The following FBLN7 variants were observed in gnomAD, a reference collection of about 807,000 sequenced individuals.
The protein encoded by FBLN7 is fibulin 7.
A neutral mutation model predicts 44.0 loss-of-function variants in FBLN7; 31 were observed. The ratio of observed to expected loss-of-function variants is 0.70; its 90% CI spans 0.53 to 0.95. The LOEUF (loss-of-function observed/expected upper bound fraction) is 0.95, where lower values mean the gene tolerates loss of function less well. Among genes scored for constraint, FBLN7 ranks in the 40% least tolerant of loss-of-function variants. FBLN7 has a pLI of 0.00. For synonymous variants in FBLN7, 262 were observed against 253.4 expected, an observed-to-expected ratio of 1.03 and a Z score of -0.32; for missense variants, 573 against 618.5, an observed-to-expected ratio of 0.93 and a Z score of 0.78.
At chr2:112,189,123 A>G (rs545971636), downstream of FBLN7, 7 of 152,310 alleles carry the variant, frequency 4.6e-5, no homozygotes, top group South Asian at 1.2e-3. Flanking sequence ...TGTGGGATAT[A>G]TTGAGATATG....
chr2:112,182,205 G>A (rs1288985786), intron 5 of FBLN7, among the ~76,000 whole-genome samples: 2 of 152,126 alleles, frequency 1.3e-5, no homozygotes, highest in Admixed American at 1.3e-4. Flanking sequence ...AGCTTAAATC[G>A]CCGTGTTGGT....
At chr2:112,178,897 C>T (rs922834256) in intron 4 of FBLN7, among the ~76,000 whole-genome samples, 3 of 72,998 alleles carry the variant, frequency 4.1e-5, no homozygotes, top group African/African-American at 1.9e-4. Context: ...CAACATTGTA[C>T]GGAATGGGCA....
At chr2:112,224,513 T>C in the FBLN7 span, among the ~76,000 whole-genome samples, 1 of 152,226 alleles carries the variant, frequency 6.6e-6, no homozygotes, top group Non-Finnish European at 1.5e-5. Context: ...TACACTATCA[T>C]TGCTTTATTT....
At chr2:112,198,334 T>C in the FBLN7 span, among the ~76,000 whole-genome samples, 1 of 152,066 alleles carries the variant, frequency 6.6e-6, no homozygotes, top group South Asian at 2.1e-4. Flanking sequence ...GGGATTAGTG[T>C]CCTTATAAAA....
In FBLN7 at chr2:112,163,621, AC is replaced by A. The variant is rs1462246944; in HGVS notation, c.236-1378del. ...TCTTCACAGAGCAGCCAGGATTCGA[AC>A]CATGTCCCTCATGCTCAGCTACTAC... On this transcript the variant is annotated intron_variant, in intron 2 of 7. Transcript: ENST00000331203. Among the ~76,000 whole-genome samples, 5 of 152,232 alleles carry A rather than the reference AC, an allele frequency of 3.3e-5. No individual in the cohort carries two copies. The East Asian group carries it at 9.7e-4, about 30-fold the overall frequency.
chr2:112,182,168 G>A (rs1004105464), intron 5 of FBLN7: 3 of 443,348 alleles, frequency 6.8e-6, no homozygotes, highest in Non-Finnish European at 1.2e-5. Flanking sequence ...GCCCTGGCTG[G>A]AATCACGTCT....
intron 1 of FBLN7, among the ~76,000 whole-genome samples, chr2:112,141,114 C>T (rs1573753925): frequency 6.6e-6 from 1 of 152,208 alleles, no homozygotes; most frequent in African/African-American, 2.4e-5. Flanking sequence ...ATACCAACAG[C>T]GGTGGGCAGC....
intron 6 of FBLN7, among the ~76,000 whole-genome samples, chr2:112,183,416 GACA>G (rs1310585059): frequency 6.6e-6 from 1 of 152,196 alleles, no homozygotes; most frequent in African/African-American, 2.4e-5. Flanking sequence ...GGTAGCTGAG[GACA>G]ACAAGGGAGG....
chr2:112,198,244 A>G, the FBLN7 span, among the ~76,000 whole-genome samples: 10 of 152,064 alleles, frequency 6.6e-5, no homozygotes, highest in African/African-American at 9.7e-5. Flanking sequence ...ATACATTGAA[A>G]CCTCATCTCC....
At chr2:112,160,744 ACG>A (rs200542477) in intron 2 of FBLN7, among the ~76,000 whole-genome samples, 3,241 of 76,414 alleles carry the variant, frequency 0.042, 55 homozygotes, top group Middle Eastern at 0.1. Flanking sequence ...ACACGCACAC[ACG>A]CGCACGCACA....
chr2:112,223,496 T>G, the FBLN7 span, among the ~76,000 whole-genome samples: 2 of 152,184 alleles, frequency 1.3e-5, no homozygotes, highest in Non-Finnish European at 2.9e-5. Context: ...GACTGCTGTT[T>G]TTCCATGATA....
chr2:112,150,359 CAG>C lies in FBLN7; in HGVS notation c.76-9316_76-9315del, dbSNP rs1301074029. On this transcript the variant is annotated intron_variant, in intron 1 of 7. Coordinates refer to ENST00000331203, the MANE Select transcript of FBLN7 (RefSeq NM_153214.3). Reference sequence around the variant, plus strand: ...AACAGAGGACCACTGAGCTCCAAGACAGGGGTCTCTGCTGTACCAGAAGAAAA... The same window carrying C: ...AACAGAGGACCACTGAGCTCCAAGACGGGTCTCTGCTGTACCAGAAGAAAA... Among the ~76,000 whole-genome samples the C allele has an allele frequency of 3.3e-5, 5 of 151,854 alleles. No homozygotes were observed. The South Asian group carries it at 1.0e-3, about 31-fold the overall frequency.
At chr2:112,169,684 A>G (rs1250313057) in intron 3 of FBLN7, among the ~76,000 whole-genome samples, 1 of 152,204 alleles carries the variant, frequency 6.6e-6, no homozygotes, top group East Asian at 1.9e-4. Flanking sequence ...GTCGAATCCC[A>G]CAGACACGAC....
chr2:112,174,690 T>G (rs914283828), intron 3 of FBLN7, among the ~76,000 whole-genome samples: 3 of 151,788 alleles, frequency 2.0e-5, no homozygotes, highest in Non-Finnish European at 4.4e-5. Flanking sequence ...GCCTATGGGG[T>G]TTTTTTTGTT....
intron 6 of FBLN7, among the ~76,000 whole-genome samples, chr2:112,183,152 C>T (rs76320146): frequency 2.5e-3 from 377 of 152,322 alleles, no homozygotes; most frequent in African/African-American, 7.2e-3. Flanking sequence ...TAGTCTTTTC[C>T]GACTTTATTT....
chr2:112,202,169 C>A, the FBLN7 span, among the ~76,000 whole-genome samples: 121 of 152,138 alleles, frequency 8.0e-4, no homozygotes, highest in Non-Finnish European at 1.6e-3. Flanking sequence ...AGTAAAGGTC[C>A]CAAATTCTTA....
the FBLN7 span, among the ~76,000 whole-genome samples, chr2:112,199,569 C>G: frequency 6.6e-6 from 1 of 152,340 alleles, no homozygotes; most frequent in Admixed American, 6.5e-5. Context: ...TCTCACCCAT[C>G]CCTTCCAGGA....
intron 1 of FBLN7, among the ~76,000 whole-genome samples, chr2:112,140,761 G>A (rs1680602373): frequency 6.6e-6 from 1 of 152,204 alleles, no homozygotes; most frequent in Non-Finnish European, 1.5e-5. Context: ...TTTCTCAGCA[G>A]TTTGTGGCAT....
At chr2:112,157,433 A>G (rs893770331) in intron 1 of FBLN7, among the ~76,000 whole-genome samples, 3 of 152,166 alleles carry the variant, frequency 2.0e-5, no homozygotes, top group Non-Finnish European at 4.4e-5. Context: ...GATAACCATC[A>G]TCGTCTTGAT....
Sources: gnomAD v4.1 joint callset for allele counts (sites outside exome capture counted in the v4.1 genomes callset) on GRCh38, gnomAD v4.1.1 for gene constraint, MANE v1.5 for transcripts, NCBI Gene and HGNC (gene_info 2026-07-23, HGNC 2026-07-21) for gene names.